Variants in LRP4 observed in about 807,000 individuals in gnomAD.
LRP4 encodes low-density lipoprotein receptor-related protein 4.
LRP4 carries 95 observed loss-of-function variants against 220.3 expected under a neutral mutation model. The observed-to-expected ratio is 0.43, with a 90% CI of 0.37 to 0.51. LRP4 has a LOEUF of 0.51. LRP4 is among the 20% of genes least tolerant of loss of function. The probability of loss-of-function intolerance (pLI) is 0.00; values close to 1 mark genes in which losing one functional copy is unlikely to be tolerated. For synonymous variants in LRP4, 903 were observed against 954.6 expected (o/e 0.95, Z 1.00); for missense variants, 1,925 against 2,567.0 (o/e 0.75, Z 5.40).
chr11:46,895,588 TAAAAATA>T (rs1431076711), intron 10 of LRP4, among the ~76,000 whole-genome samples: 3 of 151,756 alleles, frequency 2.0e-5, no homozygotes, highest in African/African-American at 4.8e-5. Flanking sequence ...CTCAAAAAAA[TAAAAATA>T]AAAAATAAAA....
intron 2 of LRP4, among the ~76,000 whole-genome samples, chr11:46,901,969 G>A (rs182747844): frequency 2.0e-5 from 3 of 151,892 alleles, no homozygotes; most frequent in Non-Finnish European, 4.4e-5. Flanking sequence ...TCCTGACCTC[G>A]TGATCTGCCC....
intron 23 of LRP4, 127 bp from the exon 24 acceptor site, chr11:46,876,957 G>A (rs552341451): frequency 3.3e-6 from 3 of 901,618 alleles, no homozygotes; most frequent in Non-Finnish European, 5.4e-6. Context: ...AGGAAATCAA[G>A]GAAAACGCAG....
Position 46,894,591 on chromosome 11 carries a change from G to C in LRP4, c.1538C>G (p.Pro513Arg), listed in dbSNP as rs748357296. 10 of 1,600,990 alleles carry C rather than the reference G, an allele frequency of 6.2e-6. No individual in the cohort carries two copies. Among genetic ancestry groups the C allele is most frequent in the Non-Finnish European group, 7.7e-6 (9 of 1,173,372 alleles). The change falls in exon 12 of 38, where the codon CCA becomes CGA. Residue 513 changes from proline (P) to arginine (R), a missense_variant and splice_region_variant. By Grantham distance (103) the Pro-to-Arg change is moderately radical. Around this residue, in one of 3 missense-constraint regions of LRP4, gnomAD observed 269 missense variants for 436.7 expected, o/e 0.62. Coordinates refer to ENST00000378623, the MANE Select transcript of LRP4 (RefSeq NM_002334.4). ...CTCCATGGGGCCTTGTTCCCTACCT[G>C]GGCTCTCCAGCCCAGTAGACACAAC... is the stretch of plus-strand genomic sequence containing the variant. The part of the protein sequence containing the change: ...EEVVSTGLES[P>R]GGLAVDWVHD...
chr11:46,876,827 T>A lies in LRP4; in HGVS notation c.3281A>T (p.Lys1094Met). The change falls in exon 24 of 38, where the codon AAG becomes ATG. Residue 1094 changes from lysine to methionine, a missense_variant. This residue lies in a region of LRP4 where 1,244 missense variants were observed against 1,624.9 expected (regional missense o/e 0.77). Transcript: ENST00000378623. ...IAIGVDPQEG[K>M]VYWSDSTLHR... ...CAGTGTGCTGTCAGACCAGTACACC[T>A]TTCCTGGAGAGGGAAAGCTTGGCTC... 6.2e-7 allele frequency: 1 copy of A among 1,613,270 alleles called. No individual in the cohort carries two copies. Among genetic ancestry groups the A allele is most frequent in the Non-Finnish European group, 8.5e-7 (1 of 1,179,394 alleles).
At chr11:46,916,559 A>G (rs1941949396) in intron 1 of LRP4, among the ~76,000 whole-genome samples, 1 of 139,972 alleles carries the variant, frequency 7.1e-6, no homozygotes, top group African/African-American at 2.6e-5. Context: ...CTCTATGCAC[A>G]TGTAATATTT....
intron 37 of LRP4, among the ~76,000 whole-genome samples, chr11:46,861,523 C>CTGTTTTT (rs1940547777): frequency 1.2e-5 from 1 of 83,468 alleles, no homozygotes; most frequent in Non-Finnish European, 2.1e-5. Flanking sequence ...GGAAATGGGA[C>CTGTTTTT]TTTTTTTTTT....
At chr11:46,902,455 G>A (rs1003311745) in intron 2 of LRP4, among the ~76,000 whole-genome samples, 5 of 150,910 alleles carry the variant, frequency 3.3e-5, no homozygotes, top group African/African-American at 9.8e-5. Flanking sequence ...ATTTTAAAAC[G>A]CACAAATATG....
chr11:46,862,836 T>C, intron 36 of LRP4, 89 bp from the exon 37 acceptor site: 1 of 1,149,738 alleles, frequency 8.7e-7, no homozygotes, highest in South Asian at 1.3e-5. Flanking sequence ...GTAGGCAGCC[T>C]CTAAGATGAT....
At chr11:46,894,140 C>G (rs1941477548) in intron 12 of LRP4, among the ~76,000 whole-genome samples, 1 of 152,178 alleles carries the variant, frequency 6.6e-6, no homozygotes, top group South Asian at 2.1e-4. Context: ...GATCTGCCCA[C>G]CTCAGCCTCC....
Position 46,858,400 on chromosome 11 carries a change from AC to A in LRP4, c.*582del. On this transcript the variant is annotated 3_prime_UTR_variant, in exon 38 of 38. Coordinates refer to ENST00000378623, the MANE Select transcript of LRP4 (RefSeq NM_002334.4). ...GTCCACTGCCAGCAATGGACCAGAC[AC>A]CCAGATCCAACTACCCCCCAAAGCT... 5.7e-6 allele frequency: 1 copy of A among 174,858 alleles called. No individual in the cohort carries two copies. The highest frequency in any genetic ancestry group is 1.3e-5 in the Non-Finnish European group (1 of 79,860). 10.8% of individuals were successfully genotyped at this position (174,858 alleles called of 1,614,324 possible). A position where few individuals can be genotyped will look rare whatever the true frequency, so the allele number is the denominator to read the frequency against.
intron 16 of LRP4, among the ~76,000 whole-genome samples, chr11:46,887,030 C>G (rs7118028): frequency 0.95 from 144,129 of 152,248 alleles, 68,732 homozygotes; most frequent in East Asian, 1. Flanking sequence ...CCAAGCCTCT[C>G]TCGTGTGTTA....
At chr11:46,865,718 G>C (rs1224205236) in intron 34 of LRP4, among the ~76,000 whole-genome samples, 1 of 152,184 alleles carries the variant, frequency 6.6e-6, no homozygotes, top group Non-Finnish European at 1.5e-5. Context: ...GCAATCAAAG[G>C]CATCTCCTAA....
At chr11:46,915,373 T>C (rs1331410608) in intron 1 of LRP4, among the ~76,000 whole-genome samples, 1 of 152,218 alleles carries the variant, frequency 6.6e-6, no homozygotes, top group Non-Finnish European at 1.5e-5. Context: ...CTTCCAATGG[T>C]TGTCATCCAT....
intron 18 of LRP4, among the ~76,000 whole-genome samples, chr11:46,885,305 G>A (rs1941263147): frequency 6.6e-6 from 1 of 152,136 alleles, no homozygotes; most frequent in Non-Finnish European, 1.5e-5. Flanking sequence ...CCCTGATTCA[G>A]TAAGTCTAGG....
At chr11:46,885,180 A>G (rs1054979168) in intron 18 of LRP4, among the ~76,000 whole-genome samples, 1 of 152,068 alleles carries the variant, frequency 6.6e-6, no homozygotes, top group African/African-American at 2.4e-5. Context: ...GGATGTGTGT[A>G]TGCGTGTGGG....
In LRP4 at chr11:46,874,940, G is replaced by A. The variant is rs1200847416; in HGVS notation, c.4089C>T (p.Ser1363=). 7 of 1,614,218 alleles carry A rather than the reference G, an allele frequency of 4.3e-6. No individual in the cohort carries two copies. In the East Asian group the frequency reaches 1.6e-4, roughly 36 times the overall value. The change falls in exon 28 of 38, where the codon TCC becomes TCT. Residue 1363 remains serine (S), a synonymous_variant. Transcript: ENST00000378623. ...ETYLLFSSRG[S]IRRISLDTSD... is the part of the protein sequence containing the mutation. ...TGGTGTCCAGTGAGATACGCCGGAT[G>A]GAGCCACGGCTGGAGAAGAGCAGGT...
chr11:46,875,537 T>G lies in LRP4; in HGVS notation c.3844A>C (p.Thr1282Pro), dbSNP rs780961481. ...CTCACGAGGATGACATTGCTGCCAG[T>G]ACCCTTGTCAGCACGGTGGATGCTC... ...TRSIHRADKG[T>P]GSNVILVRSN... Residue 1282 changes from threonine (T) to proline (P), a missense_variant, in exon 27 of 38, where the codon ACT (threonine) becomes CCT (proline). Transcript: ENST00000378623. This position sits in a 1 kb window ranked among gnomAD's most constrained non-coding sequence, Gnocchi z 4.5. The G allele has an allele frequency of 1.3e-5, 21 of 1,614,144 alleles. No homozygotes were observed. The highest frequency in any genetic ancestry group is 1.7e-5 in the Non-Finnish European group (20 of 1,180,012).
At chr11:46,887,097 T>C (rs1452621416) in intron 16 of LRP4, among the ~76,000 whole-genome samples, 2 of 152,224 alleles carry the variant, frequency 1.3e-5, no homozygotes, top group Non-Finnish European at 2.9e-5. Flanking sequence ...TCAAGAAACT[T>C]GCCCAGGATC....
chr11:46,908,335 T>C (rs1679591771), intron 1 of LRP4, among the ~76,000 whole-genome samples: 1 of 152,242 alleles, frequency 6.6e-6, no homozygotes, highest in South Asian at 2.1e-4. Flanking sequence ...GGTGGTACTG[T>C]TATTATTAGT....
Sources: gnomAD v4.1 joint callset for allele counts (sites outside exome capture counted in the v4.1 genomes callset) on GRCh38, gnomAD v4.1.1 for gene constraint, gnomAD v4.1.1 regional missense constraint, Gnocchi (gnomAD v3.1) non-coding constraint, MANE v1.5 for transcripts, NCBI Gene and HGNC (gene_info 2026-07-23, HGNC 2026-07-21) for gene names.